PRRT2: variants seen among roughly 807,000 people sequenced by gnomAD.
PRRT2 encodes proline-rich transmembrane protein 2.
PRRT2 carries 9 observed loss-of-function variants against 24.7 expected under a neutral mutation model. That is an observed-to-expected ratio of 0.36 (90% CI 0.22 to 0.64). PRRT2 has a LOEUF of 0.64. Ranked by LOEUF, PRRT2 falls within the 30% of genes least tolerant of loss-of-function variation. PRRT2 has a pLI of 0.65. For synonymous variants in PRRT2, 195 were observed against 175.5 expected, an observed-to-expected ratio of 1.11 and a Z score of -0.88; for missense variants, 460 against 435.0, an observed-to-expected ratio of 1.06 and a Z score of -0.51.
chr16:29,814,216 A>C lies in PRRT2; in HGVS notation c.880-117A>C, dbSNP rs1596893644. On this transcript the variant is annotated intron_variant, in intron 2 of 3. Coordinates refer to ENST00000358758, the MANE Select transcript of PRRT2 (RefSeq NM_145239.3). This position sits in a 1 kb window ranked among gnomAD's most constrained non-coding sequence, Gnocchi z 4.1. ...CCCCTTCACTCCTCCTTCCTCCCTT[A>C]CCCGCCATCTATGGGGCTGGCCTCT... is the stretch of plus-strand genomic sequence containing the variant. 3 of 1,482,790 alleles carry C rather than the reference A, an allele frequency of 2.0e-6. No individual in the cohort carries two copies. The highest frequency in any genetic ancestry group is 1.4e-5 in the African/African-American group (1 of 69,808). 91.9% of individuals were successfully genotyped at this position (1,482,790 alleles called of 1,614,324 possible). A position where few individuals can be genotyped will look rare whatever the true frequency, so the allele number is the denominator to read the frequency against.
At position 29,813,876 on chromosome 16, in the gene PRRT2, G is replaced by A. The variant is rs1900114298; in HGVS notation, c.822G>A (p.Leu274=). The A allele has an allele frequency of 1.2e-6, 2 of 1,613,404 alleles. No individual in the cohort carries two copies. The highest frequency in any genetic ancestry group is 1.7e-4 in the Middle Eastern group (1 of 6,056). The change falls in exon 2 of 4, where the codon CTG becomes CTA. Residue 274 remains leucine, a synonymous_variant. Coordinates refer to ENST00000358758, the MANE Select transcript of PRRT2 (RefSeq NM_145239.3). ...GGGACTACATCATCCTTGCCATCCT[G>A]TCCTGCTTCTGCCCCATGTGGCCTG... ...KPRDYIILAI[L]SCFCPMWPVN...
chr16:29,813,919 G>A lies in PRRT2; in HGVS notation c.865G>A (p.Ala289Thr), dbSNP rs754794125. Reference protein sequence around the residue: ...PMWPVNIVAFAYAVMSRNSLQ... With the variant: ...PMWPVNIVAFTYAVMSRNSLQ... ...GTGGCCTGTCAACATCGTGGCCTTCGCTTATGCTGTCATGGTGAGCCCCAT... is the reference window on the plus strand; with the variant it reads ...GTGGCCTGTCAACATCGTGGCCTTCACTTATGCTGTCATGGTGAGCCCCAT... Residue 289 changes from alanine (A) to threonine (T), a missense_variant, in exon 2 of 4, where the codon GCT (alanine) becomes ACT (threonine). By Grantham distance (58) the Ala-to-Thr change is moderately conservative. Coordinates refer to ENST00000358758, the MANE Select transcript of PRRT2 (RefSeq NM_145239.3). 8.8e-6 allele frequency: 14 copies of A among 1,596,946 alleles called. No homozygotes were observed. The highest frequency in any genetic ancestry group is 3.4e-5 in the South Asian group (3 of 88,280).
chr16:29,814,237 CCTCT>C lies in PRRT2; in HGVS notation c.880-89_880-86del, dbSNP rs1434180413. ...CCTTACCCGCCATCTATGGGGCTGG[CCTCT>C]CTCTCTTCTGGATGACTTTTCCACC... On this transcript the variant is annotated intron_variant, in intron 2 of 3. Transcript: ENST00000358758. This position sits in a 1 kb window ranked among gnomAD's most constrained non-coding sequence, Gnocchi z 4.1. 1.5e-5 allele frequency: 23 copies of C among 1,499,488 alleles called. 1 individual carries two copies. In the Admixed American group the frequency reaches 3.2e-4, roughly 21 times the overall value. 92.9% of individuals were successfully genotyped at this position (1,499,488 alleles called of 1,614,324 possible).
At position 29,812,981 on chromosome 16, in the gene PRRT2, C is replaced by T. The variant is rs1900052320; in HGVS notation, c.-65-9C>T. 6 of 1,489,658 alleles carry T rather than the reference C, an allele frequency of 4.0e-6. 1 individual carries two copies. The Admixed American group carries it at 6.5e-5, about 16-fold the overall frequency. 92.3% of individuals were successfully genotyped at this position (1,489,658 alleles called of 1,614,324 possible). On this transcript the variant is annotated splice_polypyrimidine_tract_variant and intron_variant, in intron 1 of 3. Coordinates refer to ENST00000358758, the MANE Select transcript of PRRT2 (RefSeq NM_145239.3). ...CTCCTCACCCCAAGCCTATCTCCTC[C>T]TCTTCCAGGGTTTGCCGCTGTCTCT...
In PRRT2 at chr16:29,814,531, C is replaced by T; in HGVS notation, c.1012+66C>T. 2 of 1,608,076 alleles carry T rather than the reference C, an allele frequency of 1.2e-6. No individual in the cohort carries two copies. Among genetic ancestry groups the T allele is most frequent in the Non-Finnish European group, 1.7e-6 (2 of 1,176,918 alleles). On this transcript the variant is annotated intron_variant, in intron 3 of 3. Transcript: ENST00000358758. The surrounding 1 kb of genome is among the most constrained non-coding windows in gnomAD (Gnocchi z 4.1). ...GTTGGCAAGGGCAGCTTTACTAACCCCTGCCCCTGCTCTCTCCTGTCTGTC... is the reference window on the plus strand; with the variant it reads ...GTTGGCAAGGGCAGCTTTACTAACCTCTGCCCCTGCTCTCTCCTGTCTGTC...
Position 29,814,824 on chromosome 16 carries a change from G to A in PRRT2, c.*186G>A. On this transcript the variant is annotated 3_prime_UTR_variant, in exon 4 of 4. Transcript: ENST00000358758. This position sits in a 1 kb window ranked among gnomAD's most constrained non-coding sequence, Gnocchi z 4.1. ...TTGCCAGGCTCCTCTGCCAACTGTA[G>A]GCCTGCCTCATCCCTGCACTGGTTC... The A allele has an allele frequency of 1.6e-6, 1 of 626,230 alleles. No homozygotes were observed. Among genetic ancestry groups the A allele is most frequent in the South Asian group, 2.0e-5 (1 of 49,278 alleles). 38.8% of individuals were successfully genotyped at this position (626,230 alleles called of 1,614,324 possible).
intron 1 of PRRT2, among the ~76,000 whole-genome samples, chr16:29,812,737 AG>A (rs1900039887): frequency 6.6e-6 from 1 of 151,874 alleles, no homozygotes. Flanking sequence ...GGATGGACCC[AG>A]GGAGAGACCC....
At chr16:29,812,884 G>C (rs936380439) in intron 1 of PRRT2, 106 bp from the exon 2 acceptor site, 5 of 678,218 alleles carry the variant, frequency 7.4e-6, no homozygotes, top group Non-Finnish European at 1.2e-5. Flanking sequence ...CCTCTCCCTA[G>C]AGGCAGTGCA....
intron 1 of PRRT2, 104 bp from the exon 2 acceptor site, chr16:29,812,886 G>T: frequency 5.9e-6 from 4 of 683,758 alleles, no homozygotes; most frequent in Non-Finnish European, 7.3e-6. Context: ...TCTCCCTAGA[G>T]GCAGTGCAAG....
Position 29,814,101 on chromosome 16 carries a change from T to C in PRRT2, c.879+168T>C. 1.4e-6 allele frequency: 2 copies of C among 1,470,932 alleles called. No homozygotes were observed. Among genetic ancestry groups the C allele is most frequent in the East Asian group, 2.4e-5 (1 of 41,794 alleles). 91.1% of individuals were successfully genotyped at this position (1,470,932 alleles called of 1,614,324 possible). On this transcript the variant is annotated intron_variant, in intron 2 of 3. Coordinates refer to ENST00000358758, the MANE Select transcript of PRRT2 (RefSeq NM_145239.3). This position sits in a 1 kb window ranked among gnomAD's most constrained non-coding sequence, Gnocchi z 4.1. ...TTTGCCTCTCCCTAGGACCTAACCC[T>C]CTGAGCCACCACTGCCCTGCCCCTT...
rs1900163066 is a variant in PRRT2, at chr16:29,814,732, C to T, written c.*94C>T. 5.0e-6 allele frequency: 7 copies of T among 1,387,572 alleles called. No homozygotes were observed. In the South Asian group the frequency reaches 6.9e-5, roughly 14 times the overall value. 86.0% of individuals were successfully genotyped at this position (1,387,572 alleles called of 1,614,324 possible). A position where few individuals can be genotyped will look rare whatever the true frequency, so the allele number is the denominator to read the frequency against. On this transcript the variant is annotated 3_prime_UTR_variant, in exon 4 of 4. Transcript: ENST00000358758. The surrounding 1 kb of genome is among the most constrained non-coding windows in gnomAD (Gnocchi z 4.1). The stretch of plus-strand genomic sequence containing the variant: ...GGGGGAGCCCAACTGATGGCCCTGG[C>T]CCCCACCCCTAAGGACCAAGGGAGC...
At position 29,813,699 on chromosome 16, in the gene PRRT2, C is replaced by A. The variant is rs183683129; in HGVS notation, c.645C>A (p.Pro215=). Residue 215 remains proline, a synonymous_variant, in exon 2 of 4, where the codon CCC becomes CCA. Coordinates refer to ENST00000358758, the MANE Select transcript of PRRT2 (RefSeq NM_145239.3). ...AATCCCCCCCAGCCAATGGGGCCCC[C>A]CCCCGAGTGCTGCAGCAGCTGGTTG... ...SKKSPPANGA[P]PRVLQQLVEE... 1 of 1,580,010 alleles carries A rather than the reference C, an allele frequency of 6.3e-7. No individual in the cohort carries two copies. Among genetic ancestry groups the A allele is most frequent in the South Asian group, 1.2e-5 (1 of 86,632 alleles).
chr16:29,814,410 G>A lies in PRRT2; in HGVS notation c.957G>A (p.Val319=), dbSNP rs2142429259. 1.2e-6 allele frequency: 2 copies of A among 1,609,546 alleles called. No homozygotes were observed. Among genetic ancestry groups the A allele is most frequent in the Middle Eastern group, 1.7e-4 (1 of 6,042 alleles). ...GGGTAGCCAAGCTCTTAAGCATCGT[G>A]GCGCTGGTGGGGGGAGTCCTCATCA... The part of the protein sequence containing the change: ...LGRVAKLLSI[V]ALVGGVLIII... The change falls in exon 3 of 4, where the codon GTG becomes GTA. Residue 319 remains valine, a synonymous_variant. Transcript: ENST00000358758. The surrounding 1 kb of genome is among the most constrained non-coding windows in gnomAD (Gnocchi z 4.1).
chr16:29,813,434 A>C lies in PRRT2; in HGVS notation c.380A>C (p.Glu127Ala). 6.2e-7 allele frequency: 1 copy of C among 1,614,120 alleles called. No individual in the cohort carries two copies. The highest frequency in any genetic ancestry group is 8.5e-7 in the Non-Finnish European group (1 of 1,180,010). ...EATADQGSRL[E>A]SAAPPEPAPE... is the part of the protein sequence containing the mutation. ...ACTGCAGACCAGGGGTCCAGGCTGG[A>C]GTCTGCAGCCCCACCTGAACCAGCC... is the stretch of plus-strand genomic sequence containing the variant. Residue 127 changes from glutamate (E) to alanine (A), a missense_variant, in exon 2 of 4, where the codon GAG becomes GCG. Glu to Ala is a moderately radical substitution (Grantham distance 107, BLOSUM62 -1). Coordinates refer to ENST00000358758, the MANE Select transcript of PRRT2 (RefSeq NM_145239.3).
At position 29,815,068 on chromosome 16, in the gene PRRT2, T is replaced by C. The variant is rs975833148; in HGVS notation, c.*430T>C. 1 of 192,918 alleles carries C rather than the reference T, an allele frequency of 5.2e-6. No homozygotes were observed. The highest frequency in any genetic ancestry group is 1.1e-5 in the Non-Finnish European group (1 of 94,116). The allele number at this position is 192,918 out of a possible 1,614,324, so 12.0% of individuals were successfully genotyped here. A position where few individuals can be genotyped will look rare whatever the true frequency, so the allele number is the denominator to read the frequency against. ...CGCCTCCTCCCAACTTTCATTGTCT[T>C]GGCATCTCTCAACCCTCAGTCCTCT... On this transcript the variant is annotated 3_prime_UTR_variant, in exon 4 of 4. Transcript: ENST00000358758.
rs751112065 is a variant in PRRT2, at chr16:29,813,205, G to A, written c.151G>A (p.Gly51Ser). 6.2e-7 allele frequency: 1 copy of A among 1,613,834 alleles called. No individual in the cohort carries two copies. Among genetic ancestry groups the A allele is most frequent in the Non-Finnish European group, 8.5e-7 (1 of 1,180,006 alleles). Reference protein sequence around the residue: ...VPDQPEAPQPGPNTTAAPVDS... With the variant: ...VPDQPEAPQPSPNTTAAPVDS... ...AGACCAGCCAGAGGCCCCGCAGCCA[G>A]GTCCAAACACCACTGCGGCCCCTGT... Residue 51 changes from glycine to serine, a missense_variant, in exon 2 of 4, where the codon GGT becomes AGT. By Grantham distance (56) the Gly-to-Ser change is moderately conservative. Transcript: ENST00000358758.
Position 29,813,704 on chromosome 16 carries a change from G to A in PRRT2, c.650G>A (p.Arg217Gln), listed in dbSNP as rs75497546. 1.8e-5 allele frequency: 28 copies of A among 1,566,424 alleles called. No homozygotes were observed. The highest frequency in any genetic ancestry group is 2.3e-5 in the East Asian group (1 of 43,940). Residue 217 changes from arginine (R) to glutamine (Q), a missense_variant, in exon 2 of 4, where the codon CGA becomes CAA. Around this residue, in one of 3 missense-constraint regions of PRRT2, gnomAD observed 378 missense variants for 324.6 expected, o/e 1.16. Coordinates refer to ENST00000358758, the MANE Select transcript of PRRT2 (RefSeq NM_145239.3). ...KSPPANGAPP[R>Q]VLQQLVEEDR... Reference sequence around the variant, plus strand: ...CCCCCAGCCAATGGGGCCCCCCCCCGAGTGCTGCAGCAGCTGGTTGAGGAG... The same window carrying A: ...CCCCCAGCCAATGGGGCCCCCCCCCAAGTGCTGCAGCAGCTGGTTGAGGAG...
rs1900123896 is a variant in PRRT2, at chr16:29,814,047, A to C, written c.879+114A>C. Reference sequence around the variant, plus strand: ...TCCTTCCCCTCTCCTCTCTGCATGGATCCCACCTCCCCAATTCCAGGGCCT... The same window carrying C: ...TCCTTCCCCTCTCCTCTCTGCATGGCTCCCACCTCCCCAATTCCAGGGCCT... On this transcript the variant is annotated intron_variant, in intron 2 of 3. Coordinates refer to ENST00000358758, the MANE Select transcript of PRRT2 (RefSeq NM_145239.3). The surrounding 1 kb of genome is among the most constrained non-coding windows in gnomAD (Gnocchi z 4.1). 1.3e-6 allele frequency: 2 copies of C among 1,485,584 alleles called. No individual in the cohort carries two copies. The highest frequency in any genetic ancestry group is 1.4e-5 in the African/African-American group (1 of 70,810). 92.0% of individuals were successfully genotyped at this position (1,485,584 alleles called of 1,614,324 possible).
In PRRT2 at chr16:29,814,201, C is replaced by T. The variant is rs1274553200; in HGVS notation, c.880-132C>T. 6.0e-6 allele frequency: 9 copies of T among 1,493,648 alleles called. No individual in the cohort carries two copies. The highest frequency in any genetic ancestry group is 8.0e-6 in the Non-Finnish European group (9 of 1,130,636). The allele number at this position is 1,493,648 out of a possible 1,614,324, so 92.5% of individuals were successfully genotyped here. A position where few individuals can be genotyped will look rare whatever the true frequency, so the allele number is the denominator to read the frequency against. ...GCCCTCCTCCCCCTGCCCCTTCACTCCTCCTTCCTCCCTTACCCGCCATCT... is the reference window on the plus strand; with the variant it reads ...GCCCTCCTCCCCCTGCCCCTTCACTTCTCCTTCCTCCCTTACCCGCCATCT... On this transcript the variant is annotated intron_variant, in intron 2 of 3. Transcript: ENST00000358758. The surrounding 1 kb of genome is among the most constrained non-coding windows in gnomAD (Gnocchi z 4.1).
Sources: allele counts gnomAD v4.1 joint callset (sites outside exome capture counted in the v4.1 genomes callset), GRCh38; gene constraint gnomAD v4.1.1; regional missense constraint gnomAD v4.1.1; non-coding constraint Gnocchi (gnomAD v3.1); transcripts MANE v1.5; gene names NCBI Gene and HGNC (gene_info 2026-07-23, HGNC 2026-07-21).